Variants in BCL9 observed in about 807,000 individuals in gnomAD.
The protein encoded by BCL9 is B-cell CLL/lymphoma 9 protein.
A neutral mutation model predicts 88.5 loss-of-function variants in BCL9; 25 were observed. The ratio of observed to expected loss-of-function variants is 0.28; its 90% CI spans 0.21 to 0.39. BCL9 has a LOEUF of 0.39. Ranked by LOEUF, BCL9 falls within the 10% of genes least tolerant of loss-of-function variation. The pLI is 1.00. For synonymous variants in BCL9, 711 were observed against 673.3 expected (o/e 1.06, Z -0.87); for missense variants, 1,817 against 1,877.8 (o/e 0.97, Z 0.60).
intron 1 of BCL9, among the ~76,000 whole-genome samples, chr1:147,584,343 A>G (rs1396084317): frequency 6.6e-6 from 1 of 152,016 alleles, no homozygotes; most frequent in Non-Finnish European, 1.5e-5. Context: ...CACCGCACCC[A>G]GCCGGATTCA....
chr1:147,543,138 A>G (rs966672016), intron 1 of BCL9, among the ~76,000 whole-genome samples: 2 of 152,160 alleles, frequency 1.3e-5, no homozygotes, highest in Admixed American at 6.5e-5. Context: ...TTTTGAGGAA[A>G]AAAAATGTCT....
At chr1:147,616,984 A>G (rs951678482) in intron 7 of BCL9, among the ~76,000 whole-genome samples, 1 of 152,220 alleles carries the variant, frequency 6.6e-6, no homozygotes, top group Non-Finnish European at 1.5e-5. Flanking sequence ...ACAATAAATG[A>G]TCAAAGTGAC....
intron 1 of BCL9, among the ~76,000 whole-genome samples, chr1:147,562,001 C>A (rs1337758520): frequency 6.6e-6 from 1 of 152,090 alleles, no homozygotes; most frequent in Non-Finnish European, 1.5e-5. Flanking sequence ...TAAATGTAGG[C>A]AAATGTGGAG....
At chr1:147,617,995 A>G (rs1553204105) in intron 7 of BCL9, among the ~76,000 whole-genome samples, 3 of 152,174 alleles carry the variant, frequency 2.0e-5, no homozygotes, top group South Asian at 2.1e-4. Flanking sequence ...TGGACTTAGT[A>G]TAGCAGTGGT....
intron 7 of BCL9, among the ~76,000 whole-genome samples, chr1:147,616,452 C>G (rs587679067): frequency 3.3e-5 from 5 of 152,260 alleles, no homozygotes; most frequent in Admixed American, 2.0e-4. Flanking sequence ...ATCTTAAGCA[C>G]CTGCTATAAA....
chr1:147,550,333 C>A (rs1311474209), intron 1 of BCL9, among the ~76,000 whole-genome samples: 2 of 151,968 alleles, frequency 1.3e-5, no homozygotes, highest in Non-Finnish European at 2.9e-5. Context: ...TTTGACACAG[C>A]TAATATAAGC....
chr1:147,574,968 T>C (rs587718816), intron 1 of BCL9, among the ~76,000 whole-genome samples: 68 of 152,248 alleles, frequency 4.5e-4, no homozygotes, highest in African/African-American at 1.5e-3. Flanking sequence ...AACAGAAGTA[T>C]ATGGTTGAGG....
chr1:147,603,872 A>AC (rs1204531731), intron 1 of BCL9, among the ~76,000 whole-genome samples: 3 of 151,998 alleles, frequency 2.0e-5, no homozygotes, highest in Non-Finnish European at 4.4e-5. Context: ...GAAACAGAGG[A>AC]CCCCCTTCTG....
chr1:147,581,620 C>T (rs1656374671), intron 1 of BCL9, among the ~76,000 whole-genome samples: 1 of 152,198 alleles, frequency 6.6e-6, no homozygotes, highest in African/African-American at 2.4e-5. Flanking sequence ...CCCCAAGCCA[C>T]ACTGTGCACA....
At chr1:147,592,445 T>C (rs1656885351) in intron 1 of BCL9, among the ~76,000 whole-genome samples, 2 of 152,160 alleles carry the variant, frequency 1.3e-5, no homozygotes, top group Non-Finnish European at 2.9e-5. Flanking sequence ...CCCCTCAATA[T>C]TCCCTCAGTG....
rs587704050 is a variant in BCL9, at chr1:147,625,077, G to A, written c.*118G>A. On this transcript the variant is annotated 3_prime_UTR_variant, in exon 10 of 10. Transcript: ENST00000234739. ...TCATGCAATAGGAGAACAGAGACCC[G>A]AGGGCTGCTTTGGGGGAGGGGGGAA... The A allele has an allele frequency of 4.2e-5, 54 of 1,300,374 alleles. No individual in the cohort carries two copies. The highest frequency in any genetic ancestry group is 2.7e-4 in the Middle Eastern group (1 of 3,718). The allele number at this position is 1,300,374 out of a possible 1,614,324, so 80.6% of individuals were successfully genotyped here.
chr1:147,618,555 G>A (rs1157324985), intron 7 of BCL9, among the ~76,000 whole-genome samples: 1 of 152,006 alleles, frequency 6.6e-6, no homozygotes, highest in East Asian at 1.9e-4. Flanking sequence ...TTGGCAGAGT[G>A]GCTCTCCCCT....
intron 7 of BCL9, among the ~76,000 whole-genome samples, chr1:147,617,360 C>T (rs1553204003): frequency 1.3e-5 from 2 of 152,156 alleles, no homozygotes; most frequent in Admixed American, 6.5e-5. Flanking sequence ...GTCATGGTTT[C>T]GTTATATGAA....
rs587674761 is a variant in BCL9 at position 147,623,620 on chromosome 1, C to T, written c.3164-222C>T. Reference sequence around the variant, plus strand: ...ACAATTTCTCCCTTGCTATCTTCTACACACAGTTTAAGACTCAATAATATA... The same window carrying T: ...ACAATTTCTCCCTTGCTATCTTCTATACACAGTTTAAGACTCAATAATATA... On this transcript the variant is annotated intron_variant, in intron 9 of 9. Transcript: ENST00000234739. Among the ~76,000 whole-genome samples, 18 of 152,308 alleles carry T rather than the reference C, an allele frequency of 1.2e-4. No homozygotes were observed. In the East Asian group the frequency reaches 3.5e-3, roughly 29 times the overall value.
At chr1:147,542,153 G>T (rs373444424) in intron 1 of BCL9, among the ~76,000 whole-genome samples, 8 of 152,104 alleles carry the variant, frequency 5.3e-5, no homozygotes, top group African/African-American at 1.7e-4. Flanking sequence ...TGTGCCCGTG[G>T]GTCTGTGTGT....
At chr1:147,602,224 G>T (rs782299802) in intron 1 of BCL9, among the ~76,000 whole-genome samples, 150,525 of 150,548 alleles carry the variant, frequency 1, 75,251 homozygotes, top group Middle Eastern at 1. Flanking sequence ...TTTTTTTTTT[G>T]TAGATGGAGT....
At chr1:147,560,485 G>A (rs1157409509) in intron 1 of BCL9, among the ~76,000 whole-genome samples, 1 of 151,838 alleles carries the variant, frequency 6.6e-6, no homozygotes, top group Non-Finnish European at 1.5e-5. Flanking sequence ...AGCTACTCAG[G>A]GGCGGGATGG....
chr1:147,622,657 T>A, intron 9 of BCL9, 126 bp downstream of exon 9: 1 of 1,216,496 alleles, frequency 8.2e-7, no homozygotes. Flanking sequence ...ATCTTCCATC[T>A]AAGGTAGTTT....
chr1:147,546,133 G>A (rs888269658), intron 1 of BCL9, among the ~76,000 whole-genome samples: 17 of 152,046 alleles, frequency 1.1e-4, no homozygotes, highest in Admixed American at 1.0e-3. Flanking sequence ...TCAGGAGATC[G>A]AGACCATCCT....
Sources: gnomAD v4.1 joint callset for allele counts (sites outside exome capture counted in the v4.1 genomes callset) on GRCh38, gnomAD v4.1.1 for gene constraint, MANE v1.5 for transcripts, NCBI Gene and HGNC (gene_info 2026-07-23, HGNC 2026-07-21) for gene names.